The following SMIM36 variants were observed in gnomAD, a reference collection of about 807,000 sequenced individuals.
SMIM36 encodes small integral membrane protein 36.
Position 55,493,599 on chromosome 17 carries a change from C to T in SMIM36, c.*175-14019G>A, listed in dbSNP as rs113724121. 7.6e-3 allele frequency among the ~76,000 whole-genome samples: 1,150 copies of T among 152,064 alleles called. 17 individuals carry two copies. Among genetic ancestry groups the T allele is most frequent in the African/African-American group, 0.026 (1,097 of 41,482 alleles). On this transcript the variant is annotated intron_variant, in intron 1 of 4. Transcript: ENST00000636752. Reference sequence around the variant, plus strand: ...CCAAGGCAGGAAGATTGCTTGAGTCCAGGAGTTTGACGCCAGCCTGGGCAA... The same window carrying T: ...CCAAGGCAGGAAGATTGCTTGAGTCTAGGAGTTTGACGCCAGCCTGGGCAA...
intron 4 of SMIM36, among the ~76,000 whole-genome samples, chr17:55,459,864 G>A (rs993984026): frequency 6.6e-6 from 1 of 152,128 alleles, no homozygotes; most frequent in Non-Finnish European, 1.5e-5. Flanking sequence ...AGGCATGGTG[G>A]CATGTGCCTA....
At chr17:55,510,581 A>C (rs1359234788) in intron 1 of SMIM36, among the ~76,000 whole-genome samples, 2 of 152,202 alleles carry the variant, frequency 1.3e-5, no homozygotes, top group Non-Finnish European at 2.9e-5. Context: ...CAACAGAGCA[A>C]GACTCTGTCT....
chr17:55,493,625 C>A (rs1056093725), intron 1 of SMIM36, among the ~76,000 whole-genome samples: 1 of 151,790 alleles, frequency 6.6e-6, no homozygotes, highest in Admixed American at 6.6e-5. Context: ...GCCTGGGCAA[C>A]GTGGTGAAAC....
chr17:55,487,765 G>C (rs567809046), intron 1 of SMIM36, among the ~76,000 whole-genome samples: 7 of 152,188 alleles, frequency 4.6e-5, no homozygotes, highest in Non-Finnish European at 5.9e-5. Flanking sequence ...ATCACAGAAA[G>C]GAGAGAGTGG....
chr17:55,501,443 AAATAT>A (rs1193876788), intron 1 of SMIM36, among the ~76,000 whole-genome samples: 12 of 31,848 alleles, frequency 3.8e-4, no homozygotes, highest in African/African-American at 2.2e-3. Context: ...ATATATTATA[AAATAT>A]AATATATTAT....
intron 3 of SMIM36, among the ~76,000 whole-genome samples, chr17:55,478,023 T>C (rs1037165635): frequency 1.3e-5 from 2 of 151,978 alleles, no homozygotes; most frequent in Non-Finnish European, 2.9e-5. Flanking sequence ...GGTGAGATCC[T>C]GTCTCTACAA....
At chr17:55,501,517 A>T (rs1476353331) in intron 1 of SMIM36, among the ~76,000 whole-genome samples, 1 of 112,526 alleles carries the variant, frequency 8.9e-6, no homozygotes, top group Admixed American at 1.3e-4. Flanking sequence ...ATTATGTATT[A>T]TATAATATTG....
At chr17:55,481,579 A>T (rs992840410) in intron 1 of SMIM36, among the ~76,000 whole-genome samples, 2 of 152,236 alleles carry the variant, frequency 1.3e-5, no homozygotes, top group African/African-American at 4.8e-5. Flanking sequence ...TTTTATGTTT[A>T]GGAAGCACGG....
At chr17:55,500,395 G>A (rs543649565) in intron 1 of SMIM36, among the ~76,000 whole-genome samples, 1 of 152,194 alleles carries the variant, frequency 6.6e-6, no homozygotes, top group South Asian at 2.1e-4. Flanking sequence ...ATAGTGCTGA[G>A]ATTACAGGCA....
At chr17:55,491,184 G>A (rs1909697807) in intron 1 of SMIM36, among the ~76,000 whole-genome samples, 1 of 143,504 alleles carries the variant, frequency 7.0e-6, no homozygotes. Flanking sequence ...TGAGGCTGCA[G>A]TGAGCCATGA....
chr17:55,450,031 T>A (rs910833480), exon 5 of SMIM36: 2 of 152,228 alleles, frequency 1.3e-5, no homozygotes, highest in African/African-American at 4.8e-5. Flanking sequence ...AAGATATGAT[T>A]AAGTTAAATC....
chr17:55,511,837 C>G (rs575756614), upstream of SMIM36, among the ~76,000 whole-genome samples: 1 of 152,258 alleles, frequency 6.6e-6, no homozygotes, highest in African/African-American at 2.4e-5. Flanking sequence ...GATTCTTCAA[C>G]AAGAAGAAGA....
chr17:55,478,423 T>C (rs1178165382), intron 3 of SMIM36, among the ~76,000 whole-genome samples: 1 of 151,998 alleles, frequency 6.6e-6, no homozygotes, highest in Non-Finnish European at 1.5e-5. Context: ...AGAGACAGGA[T>C]CTTGCCTTGT....
At chr17:55,501,019 G>GTAATATATAATATATTATTATATATTA (rs1909924859) in intron 1 of SMIM36, among the ~76,000 whole-genome samples, 2 of 4,880 alleles carry the variant, frequency 4.1e-4, no homozygotes, top group Non-Finnish European at 2.9e-4. Context: ...ATTATATTTT[G>GTAATATATAATATATTATTATATATTA]TAATATATAA....
chr17:55,488,427 C>T (rs771393313), intron 1 of SMIM36, among the ~76,000 whole-genome samples: 1 of 152,166 alleles, frequency 6.6e-6, no homozygotes, highest in Non-Finnish European at 1.5e-5. Flanking sequence ...TAAAGAAGAA[C>T]ATTTTTACAA....
At chr17:55,529,135 CATTT>C in the SMIM36 span, among the ~76,000 whole-genome samples, 1 of 152,176 alleles carries the variant, frequency 6.6e-6, no homozygotes, top group Non-Finnish European at 1.5e-5. Context: ...TAGATGTTGA[CATTT>C]ATTCTGAAGA....
At chr17:55,458,890 CT>C (rs960665210) in intron 4 of SMIM36, among the ~76,000 whole-genome samples, 3 of 152,204 alleles carry the variant, frequency 2.0e-5, no homozygotes, top group Non-Finnish European at 4.4e-5. Flanking sequence ...TGATTTGCTT[CT>C]TCCAGTACAC....
intron 4 of SMIM36, among the ~76,000 whole-genome samples, chr17:55,460,581 G>A (rs760806481): frequency 3.3e-5 from 5 of 152,188 alleles, no homozygotes; most frequent in Non-Finnish European, 7.4e-5. Flanking sequence ...AAATAGGCCG[G>A]GAGCAGTGGC....
At chr17:55,460,628 C>T (rs1251315680) in intron 4 of SMIM36, among the ~76,000 whole-genome samples, 4 of 152,038 alleles carry the variant, frequency 2.6e-5, no homozygotes, top group Admixed American at 1.3e-4. Flanking sequence ...GAGGCCGAGG[C>T]GGGCAGATCA....
Sources: gnomAD v4.1 joint callset for allele counts (sites outside exome capture counted in the v4.1 genomes callset) on GRCh38, gnomAD v4.1.1 for gene constraint, MANE v1.5 for transcripts, NCBI Gene and HGNC (gene_info 2026-07-23, HGNC 2026-07-21) for gene names.